HDAC9: variants seen among roughly 807,000 people sequenced by gnomAD.
HDAC9 encodes histone deacetylase 9.
A neutral mutation model predicts 139.4 loss-of-function variants in HDAC9; 41 were observed. The ratio of observed to expected loss-of-function variants is 0.29; its 90% confidence interval spans 0.23 to 0.38. HDAC9 has a LOEUF of 0.38. Ranked by LOEUF, HDAC9 falls within the 10% of genes least tolerant of loss-of-function variation. The probability of loss-of-function intolerance (pLI) is 1.00; values close to 1 mark genes in which losing one functional copy is unlikely to be tolerated. For synonymous variants in HDAC9, 517 were observed against 476.2 expected (o/e 1.09, Z -1.12); for missense variants, 1,147 against 1,297.0 (o/e 0.88, Z 1.78).
At position 18,935,859 on chromosome 7, in the gene HDAC9, G is replaced by A. The variant is rs1488792983; in HGVS notation, c.2854G>A (p.Val952Met). The A allele has an allele frequency of 6.2e-7, 1 of 1,613,818 alleles. No homozygotes were observed. The highest frequency in any genetic ancestry group is 2.2e-5 in the East Asian group (1 of 44,872). Residue 952 changes from valine (V) to methionine (M), a missense_variant, in exon 23 of 26, where the codon GTG (valine) becomes ATG (methionine). Physicochemically the swap from Val to Met is conservative, Grantham distance 21. Coordinates refer to ENST00000686413, the MANE Select transcript of HDAC9 (RefSeq NM_178425.4). ...QLMTLADGRV[V>M]LALEGGHDLT... ...GATGACATTGGCTGATGGACGTGTG[G>A]TGTTGGCTCTAGAAGGAGGACATGA...
chr7:18,987,962 T>C (rs1785512127), intron 25 of HDAC9, among the ~76,000 whole-genome samples: 1 of 152,356 alleles, frequency 6.6e-6, no homozygotes, highest in Non-Finnish European at 1.5e-5. Flanking sequence ...CTCCCTTTTC[T>C]TCTTTATTAG....
At chr7:18,867,169 AG>A (rs528857119) in intron 21 of HDAC9, among the ~76,000 whole-genome samples, 99 of 152,330 alleles carry the variant, frequency 6.5e-4, no homozygotes, top group Non-Finnish European at 1.2e-3. Context: ...AAGAAGGAAG[AG>A]GGTTGTTCTT....
In HDAC9 at chr7:18,521,098, CT is replaced by C. The variant is rs542623843; in HGVS notation, c.22+24780del. ...TATTTTAAGAATGCAGAAAACCTTTCTTTTTTGGCCAAAAAAATAATGATCT... is the reference window on the plus strand; with the variant it reads ...TATTTTAAGAATGCAGAAAACCTTTCTTTTTGGCCAAAAAAATAATGATCT... On this transcript the variant is annotated intron_variant, in intron 2 of 25. Transcript: ENST00000686413. Among the ~76,000 whole-genome samples the C allele has an allele frequency of 1.3e-3, 205 of 152,194 alleles. 1 individual carries two copies. The highest frequency in any genetic ancestry group is 4.8e-3 in the African/African-American group (199 of 41,544).
chr7:18,343,163 A>T lies in HDAC9; in HGVS notation c.-42+52648A>T, dbSNP rs112417040. ...CTTTCTCAGTAAAAGTTGGGCTGTT[A>T]AACCAGCAGCATGGGATTTTAACAT... On this transcript the variant is annotated intron_variant, in intron 1 of 3. Transcript: ENST00000413509. Among the ~76,000 whole-genome samples the T allele has an allele frequency of 3.8e-3, 576 of 151,904 alleles. 8 individuals carry two copies. The highest frequency in any genetic ancestry group is 0.012 in the African/African-American group (507 of 41,516).
chr7:18,894,078 A>G lies in HDAC9; in HGVS notation c.2803+19482A>G, dbSNP rs187237557. On this transcript the variant is annotated intron_variant, in intron 22 of 25. Transcript: ENST00000686413. ...TTGCTGGCAGGCTGGATTGGGTATG[A>G]GAGAAGATCAGAAGGTGGGAATGGA... Among the ~76,000 whole-genome samples, 3 of 152,236 alleles carry G rather than the reference A, an allele frequency of 2.0e-5. No homozygotes were observed. In the East Asian group the frequency reaches 5.8e-4, roughly 29 times the overall value.
chr7:18,882,001 T>A (rs1282160638), intron 22 of HDAC9, among the ~76,000 whole-genome samples: 1 of 152,132 alleles, frequency 6.6e-6, no homozygotes, highest in Non-Finnish European at 1.5e-5. Flanking sequence ...AGTATTGTCT[T>A]ATCCAGCTAC....
chr7:18,895,075 C>T (rs1366114955), intron 22 of HDAC9, among the ~76,000 whole-genome samples: 1 of 151,982 alleles, frequency 6.6e-6, no homozygotes, highest in Non-Finnish European at 1.5e-5. Flanking sequence ...TAATTATCTA[C>T]AGGAGTGAAA....
intron 1 of HDAC9, among the ~76,000 whole-genome samples, chr7:18,364,981 G>C (rs1784067903): frequency 6.6e-6 from 1 of 152,082 alleles, no homozygotes; most frequent in Non-Finnish European, 1.5e-5. Flanking sequence ...GTGTCACACA[G>C]GGTAAAAGAT....
At chr7:18,567,148 G>A (rs1156932567) in intron 2 of HDAC9, among the ~76,000 whole-genome samples, 1 of 152,128 alleles carries the variant, frequency 6.6e-6, no homozygotes, top group African/African-American at 2.4e-5. Flanking sequence ...CCTGCAGCAT[G>A]CCAAATTTAT....
chr7:18,777,624 A>T (rs980283256), intron 16 of HDAC9, among the ~76,000 whole-genome samples: 1 of 152,036 alleles, frequency 6.6e-6, no homozygotes. Flanking sequence ...GATCCTCAGC[A>T]TCCTCAATAT....
intron 22 of HDAC9, among the ~76,000 whole-genome samples, chr7:18,921,414 G>A (rs1803709697): frequency 6.6e-6 from 1 of 152,118 alleles, no homozygotes; most frequent in African/African-American, 2.4e-5. Context: ...AAAAGTGGGT[G>A]AAGGATATGA....
At chr7:18,691,161 A>G (rs1415829503) in intron 12 of HDAC9, among the ~76,000 whole-genome samples, 1 of 152,064 alleles carries the variant, frequency 6.6e-6, no homozygotes, top group Non-Finnish European at 1.5e-5. Context: ...AAAGTGTCTG[A>G]GACGGTGCAT....
At chr7:18,925,253 A>G (rs978940646) in intron 22 of HDAC9, among the ~76,000 whole-genome samples, 2 of 152,194 alleles carry the variant, frequency 1.3e-5, no homozygotes, top group South Asian at 2.1e-4. Flanking sequence ...ACTAAAGTCA[A>G]CTGACCCAAC....
chr7:18,496,429 G>A (rs903363030), intron 2 of HDAC9, 105 bp downstream of exon 2: 10 of 957,822 alleles, frequency 1.0e-5, no homozygotes, highest in African/African-American at 8.2e-5. Context: ...CTGCTTTTTC[G>A]TGTTGATGTT....
chr7:18,505,503 G>A (rs1366163640), intron 2 of HDAC9, among the ~76,000 whole-genome samples: 1 of 152,232 alleles, frequency 6.6e-6, no homozygotes, highest in East Asian at 1.9e-4. Flanking sequence ...ATATATATCT[G>A]TCCAATTTGG....
At chr7:18,631,569 C>G (rs1406761377) in intron 7 of HDAC9, among the ~76,000 whole-genome samples, 1 of 152,016 alleles carries the variant, frequency 6.6e-6, no homozygotes, top group African/African-American at 2.4e-5. Context: ...CCTCTTACCT[C>G]TATGTCTTTT....
intron 2 of HDAC9, among the ~76,000 whole-genome samples, chr7:18,172,082 T>C (rs1736265577): frequency 6.6e-6 from 1 of 152,206 alleles, no homozygotes; most frequent in Non-Finnish European, 1.5e-5. Context: ...TCTGGACTTT[T>C]TTTGGTTGGT....
At chr7:18,977,595 T>C (rs1361525840) in intron 25 of HDAC9, among the ~76,000 whole-genome samples, 4 of 152,262 alleles carry the variant, frequency 2.6e-5, no homozygotes, top group Non-Finnish European at 4.4e-5. Context: ...TGGTAGTCTA[T>C]AGAGATTTAA....
At chr7:18,816,206 A>C (rs987257371) in intron 17 of HDAC9, among the ~76,000 whole-genome samples, 1 of 152,224 alleles carries the variant, frequency 6.6e-6, no homozygotes, top group Non-Finnish European at 1.5e-5. Flanking sequence ...ACAACTATCT[A>C]CAATCTTTAG....
Sources: allele counts gnomAD v4.1 joint callset (sites outside exome capture counted in the v4.1 genomes callset), GRCh38; gene constraint gnomAD v4.1.1; transcripts MANE v1.5; gene names NCBI Gene and HGNC (gene_info 2026-07-23, HGNC 2026-07-21).